PCDHGA2: variants seen among roughly 807,000 people sequenced by gnomAD.
PCDHGA2 encodes the protein protocadherin gamma subfamily A, 2.
Under a neutral mutation model 59.2 loss-of-function variants are expected in PCDHGA2, and 40 were observed. The ratio of observed to expected loss-of-function variants is 0.68; its 90% CI spans 0.52 to 0.88. PCDHGA2 has a LOEUF of 0.88. PCDHGA2 is among the 40% of genes least tolerant of loss of function. The pLI is 0.00. For synonymous variants in PCDHGA2, 560 were observed against 526.0 expected (o/e 1.06, Z -0.89); for missense variants, 1,226 against 1,204.0 (o/e 1.02, Z -0.27).
At chr5:141,446,822 A>G (rs976227044) in intron 1 of PCDHGA2, among the ~76,000 whole-genome samples, 1 of 152,206 alleles carries the variant, frequency 6.6e-6, no homozygotes, top group African/African-American at 2.4e-5. Flanking sequence ...TCAGATGGGT[A>G]GATCCTTATA....
chr5:141,374,507 A>T, intron 1 of PCDHGA2: 1 of 1,611,446 alleles, frequency 6.2e-7, no homozygotes. Flanking sequence ...GGAAGTGAAA[A>T]TTCTCGAAAA....
chr5:141,435,558 T>C (rs1401876733), intron 1 of PCDHGA2, among the ~76,000 whole-genome samples: 1 of 152,136 alleles, frequency 6.6e-6, no homozygotes, highest in Non-Finnish European at 1.5e-5. Flanking sequence ...TTTTGAGTGC[T>C]TTTTTTAGTA....
intron 1 of PCDHGA2, among the ~76,000 whole-genome samples, chr5:141,406,616 T>C (rs1226509680): frequency 1.3e-5 from 2 of 152,242 alleles, no homozygotes; most frequent in Non-Finnish European, 2.9e-5. Flanking sequence ...ACATCTTTTA[T>C]TCTCATATCT....
rs74792071 is a variant in PCDHGA2 at position 141,437,248 on chromosome 5, T to C, written c.2425-57559T>C. 4.6e-3 allele frequency among the ~76,000 whole-genome samples: 704 copies of C among 152,360 alleles called. 4 individuals carry two copies. The highest frequency in any genetic ancestry group is 0.015 in the African/African-American group (641 of 41,594). On this transcript the variant is annotated intron_variant, in intron 1 of 3. Transcript: ENST00000394576. ...CATAAAATTATGTCAAGGACTTTCC[T>C]TGTCTTTTTATGTGTATGACAGATG... is the stretch of plus-strand genomic sequence containing the variant.
At chr5:141,422,645 TCTCAGTGAC>T in intron 1 of PCDHGA2, 2 of 1,612,232 alleles carry the variant, frequency 1.2e-6, no homozygotes, top group Non-Finnish European at 1.7e-6. Flanking sequence ...GCCTCCATCT[TCTCAGTGAC>T]CGCCCTCGAC....
chr5:141,341,454 T>C, intron 1 of PCDHGA2, 59 bp downstream of exon 1: 1 of 1,606,806 alleles, frequency 6.2e-7, no homozygotes, highest in Non-Finnish European at 8.5e-7. Context: ...TTCACTTACT[T>C]GTTTACTATA....
chr5:141,347,691 G>A (rs1191715718), intron 1 of PCDHGA2, among the ~76,000 whole-genome samples: 2 of 151,800 alleles, frequency 1.3e-5, no homozygotes, highest in African/African-American at 4.8e-5. Context: ...GGAAGCTGAG[G>A]CAGAAGAATT....
At chr5:141,351,106 A>C (rs1258132619) in intron 1 of PCDHGA2, 1 of 1,614,066 alleles carries the variant, frequency 6.2e-7, no homozygotes, top group East Asian at 2.2e-5. Flanking sequence ...TCAATTCCCC[A>C]ATAAGTACCA....
intron 1 of PCDHGA2, chr5:141,364,345 T>C: frequency 6.5e-7 from 1 of 1,543,088 alleles, no homozygotes; most frequent in African/African-American, 1.4e-5. Context: ...CGAGTCCACC[T>C]AGGGGCTGGG....
Position 141,485,550 on chromosome 5 carries a change from TG to T in PCDHGA2, c.2425-9256del. On this transcript the variant is annotated intron_variant, in intron 1 of 3. Coordinates refer to ENST00000394576, the MANE Select transcript of PCDHGA2 (RefSeq NM_018915.4). The surrounding 1 kb of genome is among the most constrained non-coding windows in gnomAD (Gnocchi z 5.7). ...CGAGCAGAGGTAGAGATCGTAGATGTGAATGATCACGCCCCCCGTTTTCCGC... is the reference window on the plus strand; with the variant it reads ...CGAGCAGAGGTAGAGATCGTAGATGTAATGATCACGCCCCCCGTTTTCCGC... The T allele has an allele frequency of 6.2e-7, 1 of 1,613,820 alleles. No individual in the cohort carries two copies.
chr5:141,415,772 T>TTTTA, intron 1 of PCDHGA2: 1 of 1,332,982 alleles, frequency 7.5e-7, no homozygotes, highest in Non-Finnish European at 9.6e-7. Context: ...TTTTTTTTTT[T>TTTTA]ACTTTCTGGT....
At chr5:141,428,136 G>A in intron 1 of PCDHGA2, 2 of 1,600,778 alleles carry the variant, frequency 1.2e-6, no homozygotes, top group South Asian at 1.1e-5. Flanking sequence ...TTTCAGCCTG[G>A]GGCTGCACAC....
At chr5:141,376,524 C>T (rs1772781654) in intron 1 of PCDHGA2, 1 of 1,613,718 alleles carries the variant, frequency 6.2e-7, no homozygotes, top group Admixed American at 1.7e-5. Flanking sequence ...TTCTTTCCGC[C>T]TAAGCGGGAA....
intron 1 of PCDHGA2, among the ~76,000 whole-genome samples, chr5:141,482,793 C>T (rs900216099): frequency 3.9e-5 from 5 of 128,974 alleles, no homozygotes; most frequent in Non-Finnish European, 8.1e-5. Flanking sequence ...TGTGTGTGGC[C>T]GGGTACGGTG....
chr5:141,476,557 C>T lies in PCDHGA2; in HGVS notation c.2425-18250C>T. On this transcript the variant is annotated intron_variant, in intron 1 of 3. Coordinates refer to ENST00000394576, the MANE Select transcript of PCDHGA2 (RefSeq NM_018915.4). This position sits in a 1 kb window ranked among gnomAD's most constrained non-coding sequence, Gnocchi z 7.6. ...AAATGAAATTGGAGATTAGCGAGGC[C>T]GTGGCTCCGGGGACGCGCTTTCCGC... The T allele has an allele frequency of 1.2e-6, 2 of 1,614,222 alleles. No homozygotes were observed. The highest frequency in any genetic ancestry group is 1.3e-5 in the African/African-American group (1 of 75,060).
chr5:141,422,691 C>A, intron 1 of PCDHGA2: 1 of 1,603,878 alleles, frequency 6.2e-7, no homozygotes, highest in Non-Finnish European at 8.5e-7. Flanking sequence ...ATGCCCTGGT[C>A]ACTTACTCTC....
chr5:141,510,893 G>C (rs1334514746), intron 3 of PCDHGA2, 54 bp from the exon 4 acceptor site: 1 of 1,612,722 alleles, frequency 6.2e-7, no homozygotes, highest in African/African-American at 1.3e-5. Context: ...ATAAGACAGT[G>C]ACTGTTGAGG....
intron 1 of PCDHGA2, chr5:141,393,919 T>C: frequency 6.2e-7 from 1 of 1,613,992 alleles, no homozygotes; most frequent in Non-Finnish European, 8.5e-7. Flanking sequence ...ATTGCCTTCT[T>C]GAGTGTGCAT....
At chr5:141,345,630 A>T (rs1327978995) in intron 1 of PCDHGA2, 3 of 1,614,088 alleles carry the variant, frequency 1.9e-6, no homozygotes, top group Non-Finnish European at 2.5e-6. Flanking sequence ...GCTACTGGTG[A>T]CAGCCAGCGA....
Sources: allele counts gnomAD v4.1 joint callset (sites outside exome capture counted in the v4.1 genomes callset), GRCh38; gene constraint gnomAD v4.1.1; non-coding constraint Gnocchi (gnomAD v3.1); transcripts MANE v1.5; gene names NCBI Gene and HGNC (gene_info 2026-07-23, HGNC 2026-07-21).